The following ZNF704 variants were observed in gnomAD, a reference collection of about 807,000 sequenced individuals.
ZNF704 encodes the protein glucocorticoid induced gene 1.
Under a neutral mutation model 44.7 loss-of-function variants are expected in ZNF704, and 10 were observed. The ratio of observed to expected loss-of-function variants is 0.22; its 90% CI spans 0.14 to 0.38. ZNF704 has a LOEUF of 0.38. Ranked by LOEUF, ZNF704 falls within the 10% of genes least tolerant of loss-of-function variation. The pLI, the probability that ZNF704 is intolerant of heterozygous loss-of-function variation, is 1.00. For missense variants in ZNF704, 390 were observed against 545.5 expected (o/e 0.71, Z 2.84); for synonymous variants, 211 against 207.6 (o/e 1.02, Z -0.14).
intron 2 of ZNF704, among the ~76,000 whole-genome samples, chr8:80,707,212 C>A (rs578106929): frequency 1.3e-5 from 2 of 152,320 alleles, no homozygotes; most frequent in African/African-American, 4.8e-5. Context: ...TTTGCATGAC[C>A]ATCCCTATCA....
intron 2 of ZNF704, among the ~76,000 whole-genome samples, chr8:80,727,533 C>T: frequency 6.6e-6 from 1 of 151,710 alleles, no homozygotes; most frequent in African/African-American, 2.4e-5. Flanking sequence ...CAAGAGTTCG[C>T]CTTCGGGTTT....
intron 2 of ZNF704, among the ~76,000 whole-genome samples, chr8:80,703,720 C>A (rs76743759): frequency 6.6e-6 from 1 of 152,176 alleles, no homozygotes; most frequent in Non-Finnish European, 1.5e-5. Flanking sequence ...AGTGATCCTC[C>A]TGCCTCAGCC....
At chr8:80,871,802 G>C (rs900197488) in intron 1 of ZNF704, among the ~76,000 whole-genome samples, 1 of 152,166 alleles carries the variant, frequency 6.6e-6, no homozygotes, top group Non-Finnish European at 1.5e-5. Flanking sequence ...GTCTTTAAAA[G>C]AGTAATTTAA....
chr8:80,715,985 C>A (rs1171868890), intron 2 of ZNF704, among the ~76,000 whole-genome samples: 1 of 151,404 alleles, frequency 6.6e-6, no homozygotes, highest in Non-Finnish European at 1.5e-5. Flanking sequence ...GAGGCTGAGG[C>A]ACAAGAATCA....
intron 4 of ZNF704, among the ~76,000 whole-genome samples, chr8:80,674,903 C>T (rs1040228456): frequency 2.0e-5 from 3 of 152,234 alleles, no homozygotes; most frequent in Non-Finnish European, 2.9e-5. Context: ...ACGTACCCAA[C>T]AGTCCAAGTA....
At chr8:80,877,601 G>T (rs751022782), upstream of ZNF704, among the ~76,000 whole-genome samples, 1 of 152,162 alleles carries the variant, frequency 6.6e-6, no homozygotes, top group Non-Finnish European at 1.5e-5. Context: ...TCAGAATGAG[G>T]AAATGTGCCT....
chr8:80,678,351 T>C (rs1818402486), intron 4 of ZNF704, among the ~76,000 whole-genome samples: 1 of 152,124 alleles, frequency 6.6e-6, no homozygotes, highest in South Asian at 2.1e-4. Context: ...TGCATTCCTC[T>C]TCCTTTTGAC....
Position 80,641,221 on chromosome 8 carries a change from G to T in ZNF704, c.*145C>A. On this transcript the variant is annotated 3_prime_UTR_variant, in exon 9 of 9. Coordinates refer to ENST00000327835, the MANE Select transcript of ZNF704 (RefSeq NM_001033723.3). ...ACTTAAACAATTTTTCTGTGTTTTT[G>T]CTGTTATTCCTCCAAGGTTCCTGAA... 1 of 484,782 alleles carries T rather than the reference G, an allele frequency of 2.1e-6. No individual in the cohort carries two copies. The allele number at this position is 484,782 out of a possible 1,614,324, so 30.0% of individuals were successfully genotyped here. A position where few individuals can be genotyped will look rare whatever the true frequency, so the allele number is the denominator to read the frequency against.
chr8:80,857,010 T>C (rs961999638), intron 1 of ZNF704, among the ~76,000 whole-genome samples: 10 of 152,172 alleles, frequency 6.6e-5, no homozygotes, highest in Admixed American at 1.3e-4. Context: ...TATTTAGGTC[T>C]TTGCTCTCTC....
chr8:80,792,628 A>G (rs1180097330), intron 2 of ZNF704, among the ~76,000 whole-genome samples: 1 of 152,218 alleles, frequency 6.6e-6, no homozygotes, highest in African/African-American at 2.4e-5. Flanking sequence ...CATTGTAAAT[A>G]CATGAGATCC....
At chr8:80,728,980 C>G (rs1229380902) in intron 2 of ZNF704, among the ~76,000 whole-genome samples, 1 of 151,994 alleles carries the variant, frequency 6.6e-6, no homozygotes, top group South Asian at 2.1e-4. Flanking sequence ...TTGCACGAAC[C>G]GAAACGACCG....
chr8:80,714,311 T>C (rs1819038065), intron 2 of ZNF704, among the ~76,000 whole-genome samples: 2 of 152,226 alleles, frequency 1.3e-5, no homozygotes, highest in South Asian at 4.1e-4. Flanking sequence ...CCAACAAATA[T>C]TTGTTGAACG....
At chr8:80,835,463 T>G (rs1338720075) in intron 1 of ZNF704, among the ~76,000 whole-genome samples, 1 of 151,870 alleles carries the variant, frequency 6.6e-6, no homozygotes, top group South Asian at 2.1e-4. Context: ...AGGGGGAAAG[T>G]AGGCTGGAGG....
At chr8:80,834,086 C>A (rs1407670989) in intron 1 of ZNF704, among the ~76,000 whole-genome samples, 4 of 151,964 alleles carry the variant, frequency 2.6e-5, no homozygotes, top group African/African-American at 9.7e-5. Context: ...CCCAGCTACT[C>A]GGGAGGCTGG....
At chr8:80,861,878 C>A (rs543402760) in intron 1 of ZNF704, among the ~76,000 whole-genome samples, 1 of 151,486 alleles carries the variant, frequency 6.6e-6, no homozygotes, top group African/African-American at 2.4e-5. Flanking sequence ...TCCTTTCAAT[C>A]TGAATCTTCT....
intron 2 of ZNF704, among the ~76,000 whole-genome samples, chr8:80,751,632 T>C (rs1329904511): frequency 1.3e-5 from 2 of 152,230 alleles, no homozygotes; most frequent in Admixed American, 1.3e-4. Context: ...TACATACATG[T>C]AAAGATTCTT....
At position 80,744,391 on chromosome 8, in the gene ZNF704, G is replaced by A. The variant is rs187460331; in HGVS notation, c.222-51284C>T. ...AAAATAGTTAATTCATCTCCCCAAG[G>A]TACTATTTGAAAATAACTCAATTAC... On this transcript the variant is annotated intron_variant, in intron 2 of 8. Transcript: ENST00000327835. 2.6e-5 allele frequency among the ~76,000 whole-genome samples: 4 copies of A among 152,058 alleles called. No individual in the cohort carries two copies. The East Asian group carries it at 7.7e-4, about 29-fold the overall frequency.
At chr8:80,789,048 GAGT>G (rs1029210998) in intron 2 of ZNF704, among the ~76,000 whole-genome samples, 4 of 152,140 alleles carry the variant, frequency 2.6e-5, no homozygotes, top group African/African-American at 9.7e-5. Flanking sequence ...AAGTGTTAAA[GAGT>G]AAAAAGATGA....
chr8:80,868,594 T>A (rs1424892234), intron 1 of ZNF704, among the ~76,000 whole-genome samples: 1 of 152,274 alleles, frequency 6.6e-6, no homozygotes, highest in Non-Finnish European at 1.5e-5. Context: ...ATGGGAGCTA[T>A]ACTGATTCCC....
Sources: gnomAD v4.1 joint callset for allele counts (sites outside exome capture counted in the v4.1 genomes callset) on GRCh38, gnomAD v4.1.1 for gene constraint, MANE v1.5 for transcripts, NCBI Gene and HGNC (gene_info 2026-07-23, HGNC 2026-07-21) for gene names.